The following ALG14 variants were observed in gnomAD, a reference collection of about 807,000 sequenced individuals.
ALG14 encodes ALG14 UDP-N-acetylglucosaminyltransferase subunit.
Under a neutral mutation model 22.8 loss-of-function variants are expected in ALG14, and 17 were observed. That is an observed-to-expected ratio of 0.75 (90% CI 0.51 to 1.12). ALG14 has a LOEUF of 1.12. ALG14 is among the 50% of genes most tolerant of loss of function. ALG14 has a pLI of 0.00. For missense variants in ALG14, 288 were observed against 271.8 expected (o/e 1.06, Z -0.42); for synonymous variants, 89 against 103.7 (o/e 0.86, Z 0.86).
At chr1:95,070,405 T>C (rs1675521308) in intron 1 of ALG14, among the ~76,000 whole-genome samples, 1 of 152,232 alleles carries the variant, frequency 6.6e-6, no homozygotes, top group Admixed American at 6.5e-5. Context: ...TCAGTGAAAC[T>C]TCAGAGGGCA....
At position 95,072,862 on chromosome 1, in the gene ALG14, C is replaced by T. The variant is rs760001852; in HGVS notation, c.37G>A (p.Ala13Thr). 6.2e-7 allele frequency: 1 copy of T among 1,614,168 alleles called. No homozygotes were observed. The highest frequency in any genetic ancestry group is 1.3e-5 in the African/African-American group (1 of 75,054). Residue 13 changes from alanine (A) to threonine (T), a missense_variant, in exon 1 of 4, where the codon GCT becomes ACT. Transcript: ENST00000370205. ...CVLVLAAAAG[A>T]VAVFLILRIW... The stretch of plus-strand genomic sequence containing the variant: ...CGCAGGATTAGGAAAACCGCCACAG[C>T]TCCTGCGGCCGCAGCTAGAACGAGA...
At chr1:95,068,181 T>C (rs1368283506) in intron 1 of ALG14, among the ~76,000 whole-genome samples, 2 of 152,250 alleles carry the variant, frequency 1.3e-5, no homozygotes, top group Non-Finnish European at 2.9e-5. Context: ...TAGCAGGCTG[T>C]CCTATTGAAT....
chr1:95,018,554 CAAAAGAA>C (rs1189111304), intron 3 of ALG14, among the ~76,000 whole-genome samples: 6 of 151,094 alleles, frequency 4.0e-5, no homozygotes, highest in East Asian at 3.9e-4. Context: ...GAAAAAAAGA[CAAAAGAA>C]AAAAGAAAAA....
At chr1:94,992,935 T>A (rs927916400) in intron 3 of ALG14, among the ~76,000 whole-genome samples, 12 of 152,058 alleles carry the variant, frequency 7.9e-5, no homozygotes, top group African/African-American at 2.9e-4. Context: ...CATCAAAGAA[T>A]AAAGTAGTAT....
chr1:95,056,225 C>G (rs1306600842), intron 2 of ALG14, among the ~76,000 whole-genome samples: 1 of 152,144 alleles, frequency 6.6e-6, no homozygotes, highest in African/African-American at 2.4e-5. Flanking sequence ...AGTGGTGGCA[C>G]TGCAGAAATG....
chr1:95,022,321 C>CT, intron 3 of ALG14: 1 of 985,418 alleles, frequency 1.0e-6, no homozygotes, highest in Non-Finnish European at 1.2e-6. Context: ...TACAGGTTGT[C>CT]ACTCAGCCAA....
chr1:95,069,588 T>G (rs1675493316), intron 1 of ALG14, among the ~76,000 whole-genome samples: 1 of 152,054 alleles, frequency 6.6e-6, no homozygotes, highest in African/African-American at 2.4e-5. Flanking sequence ...ACATTGGAGA[T>G]AGAGGCCTTT....
At chr1:95,046,197 G>A (rs1293488743) in intron 2 of ALG14, among the ~76,000 whole-genome samples, 1 of 152,080 alleles carries the variant, frequency 6.6e-6, no homozygotes, top group African/African-American at 2.4e-5. Flanking sequence ...CTTCAGAATA[G>A]GAATTCAATC....
chr1:95,033,134 G>A (rs773932422), intron 2 of ALG14, among the ~76,000 whole-genome samples: 1 of 151,818 alleles, frequency 6.6e-6, no homozygotes, highest in Non-Finnish European at 1.5e-5. Flanking sequence ...TTGCTCTAAG[G>A]GAACTGTTCC....
intron 2 of ALG14, among the ~76,000 whole-genome samples, chr1:95,042,532 T>C (rs1049243639): frequency 1.5e-4 from 23 of 152,198 alleles, no homozygotes; most frequent in Non-Finnish European, 2.9e-5. Context: ...TTCCCTTCCC[T>C]TCTCTCCTGG....
At chr1:95,049,678 C>A (rs1394365944) in intron 2 of ALG14, among the ~76,000 whole-genome samples, 1 of 152,002 alleles carries the variant, frequency 6.6e-6, no homozygotes, top group African/African-American at 2.4e-5. Context: ...TTGAGACCAG[C>A]CTGGGCAACA....
In ALG14 at chr1:95,058,243, G is replaced by A. The variant is rs182183687; in HGVS notation, c.288+6623C>T. Among the ~76,000 whole-genome samples, 126 of 111,688 alleles carry A rather than the reference G, an allele frequency of 1.1e-3. 3 individuals are homozygous for A. The East Asian group carries it at 0.015, about 13-fold the overall frequency. 73.3% of individuals were successfully genotyped at this position (111,688 alleles called of 152,430 possible). On this transcript the variant is annotated intron_variant, in intron 2 of 3. Coordinates refer to ENST00000370205, the MANE Select transcript of ALG14 (RefSeq NM_144988.4). ...GGAAGTTGCCATGAGCCAAGATCAC[G>A]CCACTGCACTCTAGCCTGGCAACAA... is the stretch of plus-strand genomic sequence containing the variant.
At position 94,976,543 on chromosome 1, in the gene ALG14, G is replaced by C. The variant is rs2100700852; in HGVS notation, c.*6533C>G. ...CCCCATCTCTGCTAAAAATACAAAA[G>C]TTAGCCGGGCTGGTGGTGCACTCCT... On this transcript the variant is annotated 3_prime_UTR_variant, in exon 4 of 4. Transcript: ENST00000370205. 6.6e-6 allele frequency: 1 copy of C among 152,030 alleles called. No homozygotes were observed. The highest frequency in any genetic ancestry group is 6.6e-5 in the Admixed American group (1 of 15,258). The allele number at this position is 152,030 out of a possible 1,614,324, so 9.4% of individuals were successfully genotyped here.
At chr1:95,051,103 A>G (rs1041275133) in intron 2 of ALG14, among the ~76,000 whole-genome samples, 5 of 152,030 alleles carry the variant, frequency 3.3e-5, no homozygotes, top group Admixed American at 1.3e-4. Flanking sequence ...TCCAAAATCT[A>G]TATTATAGAC....
intron 3 of ALG14, among the ~76,000 whole-genome samples, chr1:95,015,538 A>T (rs530416137): frequency 3.3e-5 from 5 of 152,360 alleles, no homozygotes; most frequent in African/African-American, 1.2e-4. Context: ...CCTCAGAAGA[A>T]GCCTCAAGAA....
intron 3 of ALG14, among the ~76,000 whole-genome samples, chr1:95,001,885 C>T (rs898431518): frequency 1.3e-5 from 2 of 152,164 alleles, no homozygotes; most frequent in African/African-American, 4.8e-5. Context: ...AAATACAAGG[C>T]ATAAATATAG....
intron 3 of ALG14, among the ~76,000 whole-genome samples, chr1:94,989,493 T>C (rs1057193669): frequency 6.6e-6 from 1 of 152,202 alleles, no homozygotes; most frequent in Non-Finnish European, 1.5e-5. Context: ...GATGGGCCAG[T>C]GACTTGCCCA....
At chr1:95,045,122 T>C (rs1475779538) in intron 2 of ALG14, among the ~76,000 whole-genome samples, 2 of 152,174 alleles carry the variant, frequency 1.3e-5, no homozygotes, top group East Asian at 3.8e-4. Flanking sequence ...AAAGCTAGCA[T>C]ATAAGGAAGT....
rs190685818 is a variant in ALG14, at chr1:94,979,740, T to C, written c.*3336A>G. On this transcript the variant is annotated 3_prime_UTR_variant, in exon 4 of 4. Coordinates refer to ENST00000370205, the MANE Select transcript of ALG14 (RefSeq NM_144988.4). ...AGCTAGTGGGCTAGCATTAGTTAAC[T>C]ACTCCAGTGCGAAAAGGAGGAGCTA... The C allele has an allele frequency of 6.6e-6, 1 of 152,330 alleles. No individual in the cohort carries two copies. Among genetic ancestry groups the C allele is most frequent in the Non-Finnish European group, 1.5e-5 (1 of 68,038 alleles). 9.4% of individuals were successfully genotyped at this position (152,330 alleles called of 1,614,324 possible). A position where few individuals can be genotyped will look rare whatever the true frequency, so the allele number is the denominator to read the frequency against.
Sources: gnomAD v4.1 joint callset for allele counts (sites outside exome capture counted in the v4.1 genomes callset) on GRCh38, gnomAD v4.1.1 for gene constraint, MANE v1.5 for transcripts, NCBI Gene and HGNC (gene_info 2026-07-23, HGNC 2026-07-21) for gene names.